The following RUNX1 variants were observed in gnomAD, a reference collection of about 807,000 sequenced individuals.
RUNX1 encodes the protein RUNX family transcription factor 1, also known as runt-related transcription factor 1.
A neutral mutation model predicts 42.8 loss-of-function variants in RUNX1; 19 were observed. The ratio of observed to expected loss-of-function variants is 0.44; its 90% CI spans 0.31 to 0.65. The LOEUF is 0.65. RUNX1 is among the 30% of genes least tolerant of loss of function. RUNX1 has a pLI of 0.07. For synonymous variants in RUNX1, 271 were observed against 289.4 expected (o/e 0.94, Z 0.64); for missense variants, 528 against 672.0 (o/e 0.79, Z 2.37).
chr21:34,893,442 T>C (rs2058102856), intron 2 of RUNX1, among the ~76,000 whole-genome samples: 1 of 152,194 alleles, frequency 6.6e-6, no homozygotes, highest in Non-Finnish European at 1.5e-5. Flanking sequence ...GTAAATTATT[T>C]ACATCGAAAC....
intron 5 of RUNX1, among the ~76,000 whole-genome samples, chr21:34,878,947 G>A (rs2057856145): frequency 6.6e-6 from 1 of 152,202 alleles, no homozygotes; most frequent in Non-Finnish European, 1.5e-5. Context: ...CCACACAGAT[G>A]CATAGTATGA....
chr21:34,896,148 A>G (rs1366160080), intron 2 of RUNX1, among the ~76,000 whole-genome samples: 1 of 152,170 alleles, frequency 6.6e-6, no homozygotes, highest in Non-Finnish European at 1.5e-5. Flanking sequence ...TGGGGAAAAC[A>G]GGAATTCTGG....
chr21:34,929,831 A>C (rs540579256), intron 2 of RUNX1, among the ~76,000 whole-genome samples: 1 of 152,240 alleles, frequency 6.6e-6, no homozygotes, highest in South Asian at 2.1e-4. Context: ...CTTATGTTAC[A>C]GTGAGCTCTT....
intron 2 of RUNX1, among the ~76,000 whole-genome samples, chr21:35,026,799 G>C (rs971541347): frequency 1.3e-5 from 2 of 152,208 alleles, no homozygotes; most frequent in African/African-American, 4.8e-5. Context: ...GCGGGGACGC[G>C]AGCGGCCCAG....
rs577080344 is a variant in RUNX1 at position 35,011,311 on chromosome 21, C to A, written c.58+37531G>T. 2.0e-5 allele frequency among the ~76,000 whole-genome samples: 3 copies of A among 152,276 alleles called. No homozygotes were observed. In the East Asian group the frequency reaches 5.8e-4, roughly 29 times the overall value. The stretch of plus-strand genomic sequence containing the variant: ...GATCCCAAGCCCATGACACACATGA[C>A]AATTGATCCAGGCAACTTTCCTACC... On this transcript the variant is annotated intron_variant, in intron 2 of 8. Transcript: ENST00000675419.
Position 34,789,836 on chromosome 21 carries a change from T to C in RUNX1, c.*2299A>G, listed in dbSNP as rs917727640. Reference sequence around the variant, plus strand: ...TCAGAGCATGAGGCTGGTTTTGAGTTGGAATATCTTCAGTTAACAGAATTA... The same window carrying C: ...TCAGAGCATGAGGCTGGTTTTGAGTCGGAATATCTTCAGTTAACAGAATTA... On this transcript the variant is annotated 3_prime_UTR_variant, in exon 9 of 9. Transcript: ENST00000675419. The C allele has an allele frequency of 8.6e-6, 2 of 233,164 alleles. No individual in the cohort carries two copies. Among genetic ancestry groups the C allele is most frequent in the East Asian group, 1.2e-4 (2 of 16,590 alleles). The allele number at this position is 233,164 out of a possible 1,614,324, so 14.4% of individuals were successfully genotyped here. A position where few individuals can be genotyped will look rare whatever the true frequency, so the allele number is the denominator to read the frequency against.
intron 2 of RUNX1, among the ~76,000 whole-genome samples, chr21:35,041,660 CT>C (rs36116941): frequency 0.14 from 19,470 of 139,372 alleles, 1,441 homozygotes; most frequent in Middle Eastern, 0.2. Context: ...TTCTTTCTTT[CT>C]TTTTTTTTTT....
intron 2 of RUNX1, among the ~76,000 whole-genome samples, chr21:34,949,114 C>G (rs553622116): frequency 8.5e-5 from 13 of 152,296 alleles, no homozygotes; most frequent in Admixed American, 7.8e-4. Context: ...CCCCATCCCC[C>G]CAAACAGCTA....
intron 2 of RUNX1, chr21:35,038,985 G>C (rs77955977): frequency 3.0e-6 from 1 of 333,974 alleles, no homozygotes; most frequent in African/African-American, 2.2e-5. Flanking sequence ...AACCAAGGTG[G>C]TGCTGGATTT....
intron 6 of RUNX1, among the ~76,000 whole-genome samples, chr21:34,846,194 C>CTTTTTTTTTTTTTTTTTTT (rs5843687): frequency 2.0e-5 from 2 of 102,240 alleles, no homozygotes; most frequent in Non-Finnish European, 2.0e-5. Context: ...TTAAGGATGT[C>CTTTTTTTTTTTTTTTTTTT]TTTTTTTTTT....
At chr21:34,947,382 G>A (rs2058571265) in intron 2 of RUNX1, among the ~76,000 whole-genome samples, 1 of 152,034 alleles carries the variant, frequency 6.6e-6, no homozygotes, top group Admixed American at 6.6e-5. Context: ...CTTTTTACAA[G>A]GCTTCTAGGT....
chr21:34,794,889 CAG>C (rs912155941), intron 8 of RUNX1, among the ~76,000 whole-genome samples: 4 of 152,188 alleles, frequency 2.6e-5, no homozygotes, highest in Non-Finnish European at 5.9e-5. Flanking sequence ...TGTGACAACT[CAG>C]AATGTCTCCA....
At chr21:35,034,722 T>C (rs1267073132) in intron 2 of RUNX1, among the ~76,000 whole-genome samples, 2 of 152,086 alleles carry the variant, frequency 1.3e-5, no homozygotes, top group African/African-American at 4.8e-5. Flanking sequence ...CGGTTGCAAA[T>C]GTCAACTGTG....
intron 6 of RUNX1, among the ~76,000 whole-genome samples, chr21:34,851,220 G>A (rs75674267): frequency 6.6e-6 from 1 of 152,172 alleles, no homozygotes; most frequent in Non-Finnish European, 1.5e-5. Flanking sequence ...GCAAAAAAAC[G>A]ACGTCTATCT....
At chr21:35,048,232 G>A (rs2059414998) in intron 2 of RUNX1, among the ~76,000 whole-genome samples, 1 of 152,186 alleles carries the variant, frequency 6.6e-6, no homozygotes, top group East Asian at 1.9e-4. Context: ...ACACAGCACA[G>A]CCCCATGCTG....
chr21:34,965,723 GCA>G (rs139428452), intron 2 of RUNX1, among the ~76,000 whole-genome samples: 1 of 151,676 alleles, frequency 6.6e-6, no homozygotes, highest in Admixed American at 6.6e-5. Context: ...GTGACACAGA[GCA>G]CACACACACA....
chr21:34,968,354 C>T (rs560710131), intron 2 of RUNX1, among the ~76,000 whole-genome samples: 2 of 152,218 alleles, frequency 1.3e-5, no homozygotes, highest in African/African-American at 2.4e-5. Context: ...GGTCCTTTGG[C>T]GTGGCCTCTG....
At chr21:34,981,151 T>C (rs765194707) in intron 2 of RUNX1, among the ~76,000 whole-genome samples, 1 of 152,178 alleles carries the variant, frequency 6.6e-6, no homozygotes, top group Non-Finnish European at 1.5e-5. Flanking sequence ...GGTCTAAACA[T>C]GAGGAAGCGG....
chr21:34,931,252 G>A lies in RUNX1; in HGVS notation c.59-38289C>T, dbSNP rs112522367. ...CAATAATATTATTATTTTTCTAAGC[G>A]TCTGGAAGGTAGTGTCTTTGTTTGC... is the stretch of plus-strand genomic sequence containing the variant. On this transcript the variant is annotated intron_variant, in intron 2 of 8. Transcript: ENST00000675419. Among the ~76,000 whole-genome samples the A allele has an allele frequency of 5.4e-3, 823 of 151,128 alleles. 6 individuals carry two copies. The highest frequency in any genetic ancestry group is 8.9e-3 in the Non-Finnish European group (603 of 67,872).
Sources: gnomAD v4.1 joint callset for allele counts (sites outside exome capture counted in the v4.1 genomes callset) on GRCh38, gnomAD v4.1.1 for gene constraint, MANE v1.5 for transcripts, NCBI Gene and HGNC (gene_info 2026-07-23, HGNC 2026-07-21) for gene names.